INTS4: variants seen among roughly 807,000 people sequenced by gnomAD.
INTS4 encodes the protein integrator complex subunit 4.
Under a neutral mutation model 119.5 loss-of-function variants are expected in INTS4, and 70 were observed. The ratio of observed to expected loss-of-function variants is 0.59; its 90% confidence interval spans 0.48 to 0.71. The LOEUF (loss-of-function observed/expected upper bound fraction) is 0.71, where lower values mean the gene tolerates loss of function less well. Ranked by LOEUF, INTS4 falls within the 30% of genes least tolerant of loss-of-function variation. INTS4 has a pLI of 0.00. For synonymous variants in INTS4, 316 were observed against 419.6 expected (o/e 0.75, Z 3.02); for missense variants, 867 against 1,173.2 (o/e 0.74, Z 3.81).
At position 77,938,833 on chromosome 11, in the gene INTS4, G is replaced by C; in HGVS notation, c.991-8C>G. On this transcript the variant is annotated splice_polypyrimidine_tract_variant and splice_region_variant and intron_variant, in intron 9 of 22. Transcript: ENST00000534064. ...ATGTGCAGTACGTTTCCTCTGCAGA[G>C]GACAACAACAATTACCAATTGTAGG... 1.9e-6 allele frequency: 3 copies of C among 1,599,446 alleles called. No homozygotes were observed. Among genetic ancestry groups the C allele is most frequent in the Non-Finnish European group, 2.6e-6 (3 of 1,174,052 alleles).
chr11:77,890,434 C>T (rs1421374939), intron 21 of INTS4, among the ~76,000 whole-genome samples: 3 of 152,016 alleles, frequency 2.0e-5, no homozygotes, highest in African/African-American at 7.3e-5. Context: ...TTTGGCCCTT[C>T]TCTCATATCC....
chr11:77,899,776 C>T (rs3018415), intron 18 of INTS4, among the ~76,000 whole-genome samples: 2 of 152,004 alleles, frequency 1.3e-5, no homozygotes, highest in East Asian at 1.9e-4. Context: ...TTATAATGCT[C>T]GGTGAAAGGA....
At chr11:77,994,174 G>GT (rs113215304) in intron 1 of INTS4, among the ~76,000 whole-genome samples, 55 of 151,104 alleles carry the variant, frequency 3.6e-4, no homozygotes, top group Non-Finnish European at 5.5e-4. Flanking sequence ...TCCCTGGGAG[G>GT]TTTTTTTTTG....
chr11:77,954,636 G>A (rs1954274485), intron 8 of INTS4, among the ~76,000 whole-genome samples: 1 of 152,132 alleles, frequency 6.6e-6, no homozygotes, highest in Non-Finnish European at 1.5e-5. Flanking sequence ...TTCCACCTCA[G>A]ATCATCAGGA....
intron 16 of INTS4, among the ~76,000 whole-genome samples, chr11:77,907,076 T>A (rs1410986389): frequency 6.6e-6 from 1 of 151,960 alleles, no homozygotes; most frequent in East Asian, 1.9e-4. Flanking sequence ...GTGCAGTGAG[T>A]TTTTTTGTTT....
intron 10 of INTS4, among the ~76,000 whole-genome samples, chr11:77,932,869 A>G (rs1953687225): frequency 6.8e-6 from 1 of 148,102 alleles, no homozygotes; most frequent in Non-Finnish European, 1.5e-5. Flanking sequence ...AAAACCAAAC[A>G]CCACATGTTC....
intron 10 of INTS4, among the ~76,000 whole-genome samples, chr11:77,929,202 C>T (rs932664707): frequency 7.2e-5 from 11 of 151,966 alleles, no homozygotes; most frequent in Admixed American, 4.6e-4. Context: ...TATAAAGTAA[C>T]TCATATCAAA....
chr11:77,949,369 G>C (rs894276353), intron 8 of INTS4, among the ~76,000 whole-genome samples: 1 of 151,978 alleles, frequency 6.6e-6, no homozygotes, highest in African/African-American at 2.4e-5. Context: ...TTGAGAAATG[G>C]GATCTAATTA....
At chr11:77,876,015 G>A (rs1002410677), downstream of INTS4, among the ~76,000 whole-genome samples, 1 of 152,188 alleles carries the variant, frequency 6.6e-6, no homozygotes, top group Non-Finnish European at 1.5e-5. Flanking sequence ...GAAAGGGACT[G>A]AGCAGGGGAA....
Position 77,991,094 on chromosome 11 carries a change from C to G in INTS4, c.246+14G>C. On this transcript the variant is annotated intron_variant, in intron 2 of 22. Transcript: ENST00000534064. ...CCATGATATACTCCCATCAGATCCT[C>G]AAGATTTTCTTACCTTGTAATAATG... The G allele has an allele frequency of 6.2e-7, 1 of 1,610,290 alleles. No individual in the cohort carries two copies. The highest frequency in any genetic ancestry group is 8.5e-7 in the Non-Finnish European group (1 of 1,176,680).
chr11:77,990,213 C>T (rs1856615839), intron 2 of INTS4, among the ~76,000 whole-genome samples: 1 of 109,562 alleles, frequency 9.1e-6, no homozygotes, highest in Admixed American at 9.7e-5. Flanking sequence ...CAGACCAAGT[C>T]TCAAAAAAAA....
intron 11 of INTS4, among the ~76,000 whole-genome samples, chr11:77,927,757 A>G (rs905185053): frequency 6.6e-6 from 1 of 152,202 alleles, no homozygotes; most frequent in African/African-American, 2.4e-5. Context: ...TTAAAGGTTG[A>G]AAAGAACTCT....
At chr11:77,976,939 G>T (rs74670816) in intron 4 of INTS4, among the ~76,000 whole-genome samples, 1 of 152,100 alleles carries the variant, frequency 6.6e-6, no homozygotes, top group Non-Finnish European at 1.5e-5. Flanking sequence ...GGTGGGGGAA[G>T]GGGGGAGGGA....
intron 8 of INTS4, among the ~76,000 whole-genome samples, chr11:77,946,265 C>T (rs1280125679): frequency 6.6e-6 from 1 of 152,238 alleles, no homozygotes; most frequent in African/African-American, 2.4e-5. Flanking sequence ...ACACCACCCA[C>T]TGAGTCCACC....
chr11:77,927,973 T>A (rs1480009481), intron 11 of INTS4, among the ~76,000 whole-genome samples: 1 of 152,122 alleles, frequency 6.6e-6, no homozygotes, highest in Non-Finnish European at 1.5e-5. Context: ...AAGATGCACT[T>A]CAGCCTGAGT....
Position 77,956,005 on chromosome 11 carries a change from G to C in INTS4, c.855C>G (p.Gly285=), listed in dbSNP as rs772706220. ...CATCACTGACCATGTGACAAATTTT[G>C]CCAAACGCATCATCAACTAAGCGTA... is the stretch of plus-strand genomic sequence containing the variant. ...EEIRLVDDAF[G]KICHMVSDGS... The change falls in exon 8 of 23, where the codon GGC becomes GGG. Residue 285 remains glycine, a synonymous_variant. Coordinates refer to ENST00000534064, the MANE Select transcript of INTS4 (RefSeq NM_033547.4). 6.2e-7 allele frequency: 1 copy of C among 1,611,098 alleles called. No homozygotes were observed. Among genetic ancestry groups the C allele is most frequent in the Non-Finnish European group, 8.5e-7 (1 of 1,179,674 alleles).
At chr11:77,895,866 G>C (rs1952495889) in intron 18 of INTS4, among the ~76,000 whole-genome samples, 1 of 152,110 alleles carries the variant, frequency 6.6e-6, no homozygotes, top group South Asian at 2.1e-4. Flanking sequence ...AGGCCTCTAA[G>C]AACTCCTACT....
At position 77,894,331 on chromosome 11, in the gene INTS4, C is replaced by G; in HGVS notation, c.2247G>C (p.Gly749=). Residue 749 remains glycine, a synonymous_variant, in exon 19 of 23, where the codon GGG becomes GGC. Transcript: ENST00000534064. The part of the protein sequence containing the change: ...RTTRGLDPLF[G]MCEKFLQEVD... ...CTTCCTGTAAAAATTTTTCACACAT[C>G]CCAAATAAGGGGTCAAGTCTGTAGA... is the stretch of plus-strand genomic sequence containing the variant. 6.4e-7 allele frequency: 1 copy of G among 1,564,956 alleles called. No homozygotes were observed. The highest frequency in any genetic ancestry group is 8.8e-7 in the Non-Finnish European group (1 of 1,142,124).
In INTS4 at chr11:77,918,989, T is replaced by A; in HGVS notation, c.1765-11A>T. ...TTTTCTACCTGGTAACTAAGCAGAG[T>A]GGGATTACAGAGTCATTAAGTTTGG... On this transcript the variant is annotated splice_polypyrimidine_tract_variant and intron_variant, in intron 14 of 22. Coordinates refer to ENST00000534064, the MANE Select transcript of INTS4 (RefSeq NM_033547.4). 6.2e-7 allele frequency: 1 copy of A among 1,613,510 alleles called. No homozygotes were observed. The highest frequency in any genetic ancestry group is 2.2e-5 in the East Asian group (1 of 44,862).
Sources: gnomAD v4.1 joint callset for allele counts (sites outside exome capture counted in the v4.1 genomes callset) on GRCh38, gnomAD v4.1.1 for gene constraint, MANE v1.5 for transcripts, NCBI Gene and HGNC (gene_info 2026-07-23, HGNC 2026-07-21) for gene names.